POC1B: variants seen among roughly 807,000 people sequenced by gnomAD.
POC1B encodes POC1 centriolar protein homolog B.
Under a neutral mutation model 60.6 loss-of-function variants are expected in POC1B, and 44 were observed. That is an observed-to-expected ratio of 0.73 (90% CI 0.57 to 0.93). The LOEUF (loss-of-function observed/expected upper bound fraction) is 0.93. Among genes scored for constraint, POC1B ranks in the 40% least tolerant of loss-of-function variants. The probability of loss-of-function intolerance (pLI) is 0.00; values close to 1 mark genes in which losing one functional copy is unlikely to be tolerated. For synonymous variants in POC1B, 180 were observed against 198.9 expected, an observed-to-expected ratio of 0.90 and a Z score of 0.80; for missense variants, 555 against 572.3, an observed-to-expected ratio of 0.97 and a Z score of 0.31.
intron 2 of POC1B, chr12:89,523,527 C>T (rs1316553451): frequency 6.2e-7 from 1 of 1,606,608 alleles, no homozygotes; most frequent in South Asian, 1.1e-5. Context: ...CCCTAAAAGA[C>T]AGCTCAAGGT....
intron 4 of POC1B, among the ~76,000 whole-genome samples, chr12:89,482,286 T>C (rs866250904): frequency 1.3e-5 from 2 of 151,808 alleles, no homozygotes; most frequent in Non-Finnish European, 2.9e-5. Context: ...TTATACAAAC[T>C]AAGCACAGGG....
At chr12:89,491,641 A>G (rs1868978369) in intron 4 of POC1B, among the ~76,000 whole-genome samples, 1 of 147,270 alleles carries the variant, frequency 6.8e-6, no homozygotes, top group Non-Finnish European at 1.5e-5. Flanking sequence ...AAAAAAAAGA[A>G]AAAAAAAAAA....
At chr12:89,415,664 G>T (rs979373145), downstream of POC1B, among the ~76,000 whole-genome samples, 2 of 150,262 alleles carry the variant, frequency 1.3e-5, no homozygotes, top group Admixed American at 1.3e-4. Context: ...AAATAATAAA[G>T]AAAATAATAA....
chr12:89,523,400 C>T (rs1204451452), intron 2 of POC1B: 1 of 1,614,052 alleles, frequency 6.2e-7, no homozygotes, highest in Admixed American at 1.7e-5. Context: ...ATCCAAACTT[C>T]TGCTGCCCGA....
chr12:89,470,488 C>T lies in POC1B; in HGVS notation c.683G>A (p.Ser228Asn). The change falls in exon 7 of 12, where the codon AGC becomes AAC. Residue 228 changes from serine (S) to asparagine (N), a missense_variant. Transcript: ENST00000313546. ...GAATGATATGCAATTAACTCCACCG[C>T]TGTGAACTGATTTGTAGAAAATAAA... The part of the protein sequence containing the change: ...NKLLQHYQVH[S>N]GGVNCISFHP... 1 of 1,602,192 alleles carries T rather than the reference C, an allele frequency of 6.2e-7. No homozygotes were observed.
chr12:89,491,762 A>G (rs1221445316), intron 4 of POC1B, among the ~76,000 whole-genome samples, 174 bp downstream of exon 4: 1 of 152,156 alleles, frequency 6.6e-6, no homozygotes, highest in Non-Finnish European at 1.5e-5. Flanking sequence ...GGAATGTAAG[A>G]ACAAGGATTT....
At chr12:89,499,478 A>G (rs542445214) in intron 2 of POC1B, among the ~76,000 whole-genome samples, 4 of 152,238 alleles carry the variant, frequency 2.6e-5, no homozygotes, top group Admixed American at 2.0e-4. Context: ...AAACCTGCAC[A>G]TGTACTCCCT....
At chr12:89,434,978 T>A (rs115331434) in intron 10 of POC1B, among the ~76,000 whole-genome samples, 2,292 of 152,264 alleles carry the variant, frequency 0.015, 65 homozygotes, top group African/African-American at 0.052. Flanking sequence ...CAGACAAAGA[T>A]CTATCATCTA....
intron 2 of POC1B, among the ~76,000 whole-genome samples, chr12:89,503,115 C>CTG (rs1869670484): frequency 6.6e-6 from 1 of 152,190 alleles, no homozygotes; most frequent in African/African-American, 2.4e-5. Flanking sequence ...ATCCCTCTCT[C>CTG]CCCACGGTCT....
chr12:89,420,992 G>C lies in POC1B; in HGVS notation c.*161C>G, dbSNP rs182520941. On this transcript the variant is annotated 3_prime_UTR_variant, in exon 12 of 12. Transcript: ENST00000313546. ...TGTGTTTAAATTAGTCCTTAGGTAT[G>C]CCTTTTCTGCCTTTTGTTCTGTTGC... 198 of 497,750 alleles carry C rather than the reference G, an allele frequency of 4.0e-4. No individual in the cohort carries two copies. The highest frequency in any genetic ancestry group is 3.3e-3 in the African/African-American group (175 of 53,168). 30.8% of individuals were successfully genotyped at this position (497,750 alleles called of 1,614,324 possible).
At chr12:89,463,395 A>C (rs749072777) in intron 9 of POC1B, among the ~76,000 whole-genome samples, 4 of 152,010 alleles carry the variant, frequency 2.6e-5, no homozygotes, top group Non-Finnish European at 5.9e-5. Flanking sequence ...AATGTGTAAG[A>C]AAGAAGGGAA....
intron 10 of POC1B, chr12:89,425,938 A>G (rs921384883): frequency 3.3e-5 from 5 of 152,568 alleles, no homozygotes; most frequent in African/African-American, 1.2e-4. Flanking sequence ...ACTCAACTGG[A>G]TACTTGTACA....
At chr12:89,427,669 C>G (rs1440634027) in intron 10 of POC1B, 1 of 152,278 alleles carries the variant, frequency 6.6e-6, no homozygotes, top group Non-Finnish European at 1.5e-5. Flanking sequence ...CCACTGCACT[C>G]CAGCCTGGGC....
chr12:89,513,576 T>C (rs1397445669), intron 2 of POC1B, among the ~76,000 whole-genome samples: 3 of 152,338 alleles, frequency 2.0e-5, no homozygotes, highest in Non-Finnish European at 4.4e-5. Flanking sequence ...GTTTAAACTT[T>C]AATGTGGCCC....
At chr12:89,455,617 C>T (rs704090) in intron 10 of POC1B, among the ~76,000 whole-genome samples, 152,332 of 152,360 alleles carry the variant, frequency 1, 76,152 homozygotes, top group Non-Finnish European at 1. Flanking sequence ...AGGACATCTT[C>T]AACTATTTTG....
intron 2 of POC1B, among the ~76,000 whole-genome samples, chr12:89,515,556 G>A (rs1044490584): frequency 6.6e-6 from 1 of 152,146 alleles, no homozygotes; most frequent in African/African-American, 2.4e-5. Context: ...AGGTGTGAAG[G>A]ACAGGGAGTC....
At chr12:89,497,370 C>T (rs1341481897) in intron 2 of POC1B, 28 bp from the exon 3 acceptor site, 1 of 1,592,150 alleles carries the variant, frequency 6.3e-7, no homozygotes, top group Non-Finnish European at 8.6e-7. Context: ...AACAAAACCA[C>T]TGTTTGTTAA....
intron 10 of POC1B, among the ~76,000 whole-genome samples, chr12:89,443,757 G>C (rs1413689265): frequency 1.3e-5 from 2 of 150,408 alleles, no homozygotes; most frequent in African/African-American, 4.9e-5. Flanking sequence ...TAAGATCAGA[G>C]CAGAACTGAA....
intron 10 of POC1B, chr12:89,427,803 T>A (rs1172396086): frequency 1.3e-5 from 2 of 152,246 alleles, no homozygotes; most frequent in Non-Finnish European, 2.9e-5. Context: ...AAGCTAAAAC[T>A]GTACTGAAAA....
Sources: gnomAD v4.1 joint callset for allele counts (sites outside exome capture counted in the v4.1 genomes callset) on GRCh38, gnomAD v4.1.1 for gene constraint, MANE v1.5 for transcripts, NCBI Gene and HGNC (gene_info 2026-07-23, HGNC 2026-07-21) for gene names.